Variants in ATG13 observed in about 807,000 individuals in gnomAD.
ATG13 encodes autophagy-related protein 13.
ATG13 carries 23 observed loss-of-function variants against 65.5 expected under a neutral mutation model. The ratio of observed to expected loss-of-function variants is 0.35; its 90% CI spans 0.25 to 0.50. The LOEUF (loss-of-function observed/expected upper bound fraction) is 0.50. ATG13 is among the 20% of genes least tolerant of loss of function. The probability of loss-of-function intolerance (pLI) is 0.98; values close to 1 mark genes in which losing one functional copy is unlikely to be tolerated. For synonymous variants in ATG13, 252 were observed against 245.2 expected, an observed-to-expected ratio of 1.03 and a Z score of -0.26; for missense variants, 566 against 677.0, an observed-to-expected ratio of 0.84 and a Z score of 1.82.
At chr11:46,626,294 A>G (rs909754172) in intron 1 of ATG13, among the ~76,000 whole-genome samples, 6 of 151,532 alleles carry the variant, frequency 4.0e-5, no homozygotes, top group Admixed American at 4.0e-4. Flanking sequence ...TCTTGTGCCC[A>G]GGCTGGAGTG....
Position 46,619,556 on chromosome 11 carries a change from G to T in ATG13, c.-70+1666G>T, listed in dbSNP as rs564558560. Among the ~76,000 whole-genome samples, 9 of 151,180 alleles carry T rather than the reference G, an allele frequency of 6.0e-5. No individual in the cohort carries two copies. The South Asian group carries it at 1.5e-3, about 25-fold the overall frequency. ...TGTGCCAGCACGCCCAGCTAATTTT[G>T]TATTTTTAGTAAAGATGGGGTTTCT... On this transcript the variant is annotated intron_variant, in intron 1 of 18. Coordinates refer to ENST00000683050, the MANE Select transcript of ATG13 (RefSeq NM_001346311.2).
intron 1 of ATG13, among the ~76,000 whole-genome samples, chr11:46,627,973 C>G (rs1210080733): frequency 6.6e-6 from 1 of 151,276 alleles, no homozygotes; most frequent in Non-Finnish European, 1.5e-5. Context: ...GTCCCAGCTA[C>G]TCCTGAGGCT....
chr11:46,618,535 T>A (rs956849994), intron 1 of ATG13, among the ~76,000 whole-genome samples: 4 of 152,220 alleles, frequency 2.6e-5, no homozygotes, highest in Admixed American at 6.5e-5. Context: ...AAAGAGATTT[T>A]AAAAAATTAC....
At chr11:46,664,172 T>C in intron 12 of ATG13, 77 bp downstream of exon 12, 1 of 1,132,318 alleles carries the variant, frequency 8.8e-7, no homozygotes, top group South Asian at 1.4e-5. Context: ...AATTATAAGG[T>C]ACAGTTATTT....
rs141131669 is a variant in ATG13, at chr11:46,654,933, T to C, written c.459-1300T>C. 9.8e-4 allele frequency among the ~76,000 whole-genome samples: 148 copies of C among 150,912 alleles called. 2 individuals are homozygous for C. The East Asian group carries it at 0.021, about 22-fold the overall frequency. Reference sequence around the variant, plus strand: ...GGGCAATGTGGCGAAACCCTGTCTCTACCAAAAATACAAAAATTAGCCAGG... The same window carrying C: ...GGGCAATGTGGCGAAACCCTGTCTCCACCAAAAATACAAAAATTAGCCAGG... On this transcript the variant is annotated intron_variant, in intron 7 of 18. Transcript: ENST00000683050.
chr11:46,668,227 C>T (rs1350023385), intron 15 of ATG13, among the ~76,000 whole-genome samples: 1 of 152,202 alleles, frequency 6.6e-6, no homozygotes, highest in Non-Finnish European at 1.5e-5. Flanking sequence ...CAGTGAAGCA[C>T]ATTATTACTG....
At position 46,669,475 on chromosome 11, in the gene ATG13, A is replaced by G. The variant is rs749334400; in HGVS notation, c.1518A>G (p.Pro506=). The change falls in exon 18 of 19, where the codon CCA becomes CCG. Residue 506 remains proline, a synonymous_variant. Coordinates refer to ENST00000683050, the MANE Select transcript of ATG13 (RefSeq NM_001346311.2). ...LGTFYREFQN[P]PQLSSLSIDI... ...CCTTCTATCGGGAGTTTCAGAACCCACCTCAGCTGAGCAGCCTCTCCATAG... is the reference window on the plus strand; with the variant it reads ...CCTTCTATCGGGAGTTTCAGAACCCGCCTCAGCTGAGCAGCCTCTCCATAG... 2 of 1,614,078 alleles carry G rather than the reference A, an allele frequency of 1.2e-6. No homozygotes were observed. The highest frequency in any genetic ancestry group is 2.2e-5 in the East Asian group (1 of 44,870).
rs769349732 is a variant in ATG13 at position 46,663,977 on chromosome 11, CTG to C, written c.790-12_790-11del. The C allele has an allele frequency of 4.8e-6, 4 of 835,816 alleles. No individual in the cohort carries two copies. The highest frequency in any genetic ancestry group is 1.7e-5 in the South Asian group (1 of 59,310). The allele number at this position is 835,816 out of a possible 1,614,324, so 51.8% of individuals were successfully genotyped here. On this transcript the variant is annotated intron_variant, in intron 11 of 18. Coordinates refer to ENST00000683050, the MANE Select transcript of ATG13 (RefSeq NM_001346311.2). Reference sequence around the variant, plus strand: ...TTTTTTTTTTTTGTTTCTCCTGTCTCTGTGTGTGTCTGTGCACAGTGTGTGTT... The same window carrying C: ...TTTTTTTTTTTTGTTTCTCCTGTCTCTGTGTGTCTGTGCACAGTGTGTGTT...
intron 1 of ATG13, among the ~76,000 whole-genome samples, chr11:46,623,964 C>G (rs761229986): frequency 6.7e-6 from 1 of 149,922 alleles, no homozygotes; most frequent in African/African-American, 2.5e-5. Context: ...ACTTATATCT[C>G]ATGAATAAGA....
intron 7 of ATG13, 38 bp downstream of exon 7, chr11:46,650,355 A>AC: frequency 6.3e-7 from 1 of 1,588,946 alleles, no homozygotes. Context: ...TCACTCATCA[A>AC]CCCCCTCACT....
At chr11:46,655,766 C>A (rs2059919613) in intron 7 of ATG13, among the ~76,000 whole-genome samples, 1 of 152,142 alleles carries the variant, frequency 6.6e-6, no homozygotes, top group Non-Finnish European at 1.5e-5. Flanking sequence ...GAGACAGCGT[C>A]TCATCCTTTT....
chr11:46,634,854 A>G (rs1209806126), intron 2 of ATG13, among the ~76,000 whole-genome samples: 2 of 151,762 alleles, frequency 1.3e-5, no homozygotes, highest in Non-Finnish European at 2.9e-5. Flanking sequence ...GGTGTGTGCC[A>G]GCACACCCAG....
intron 7 of ATG13, among the ~76,000 whole-genome samples, chr11:46,654,606 C>T (rs952871974): frequency 6.6e-6 from 1 of 150,876 alleles, no homozygotes; most frequent in African/African-American, 2.4e-5. Flanking sequence ...CCTGTAGTCC[C>T]AGCTGCTTAG....
intron 8 of ATG13, 85 bp from the exon 9 acceptor site, chr11:46,657,010 A>C (rs1565564581): frequency 1.8e-6 from 2 of 1,131,520 alleles, no homozygotes; most frequent in Non-Finnish European, 2.7e-6. Flanking sequence ...ATTACACAAT[A>C]GGCCAAATAA....
chr11:46,647,336 G>A (rs1037174720), intron 5 of ATG13, among the ~76,000 whole-genome samples: 3 of 145,262 alleles, frequency 2.1e-5, no homozygotes, highest in African/African-American at 7.7e-5. Context: ...GGAGCGCAGT[G>A]GCATGATCTC....
chr11:46,645,933 C>T lies in ATG13; in HGVS notation c.214C>T (p.Gln72Ter), dbSNP rs2057407584. ...THEAKKALAG[Q>*]LPAVGRSMCV... Reference sequence around the variant, plus strand: ...TGAAGCAAAGAAGGCACTGGCAGGACAGCTGCCTGCAGTCGGGAGGTCCAT... The same window carrying T: ...TGAAGCAAAGAAGGCACTGGCAGGATAGCTGCCTGCAGTCGGGAGGTCCAT... The change falls in exon 5 of 19, where the codon CAG becomes TAG. Residue 72 changes from glutamine (Q) to a stop codon, truncating the protein, a stop_gained. Coordinates refer to ENST00000683050, the MANE Select transcript of ATG13 (RefSeq NM_001346311.2). LOFTEE classifies it high-confidence loss of function. 1 of 1,614,090 alleles carries T rather than the reference C, an allele frequency of 6.2e-7. No individual in the cohort carries two copies. Among genetic ancestry groups the T allele is most frequent in the Admixed American group, 1.7e-5 (1 of 59,998 alleles).
Position 46,650,254 on chromosome 11 carries a change from C to G in ATG13, c.395C>G (p.Thr132Ser). Residue 132 changes from threonine (T) to serine (S), a missense_variant, in exon 7 of 19, where the codon ACT becomes AGT. Physicochemically the swap from Thr to Ser is moderately conservative, Grantham distance 58 (BLOSUM62 1). Coordinates refer to ENST00000683050, the MANE Select transcript of ATG13 (RefSeq NM_001346311.2). ...CTGCTGAAGTCCCTTCTTGCTATAA[C>G]TAGGGTGACACCAGCCTATAGGCTC... ...SLLLKSLLAI[T>S]RVTPAYRLSR... The G allele has an allele frequency of 1.2e-6, 2 of 1,614,054 alleles. No homozygotes were observed. The highest frequency in any genetic ancestry group is 1.7e-6 in the Non-Finnish European group (2 of 1,179,990).
chr11:46,642,795 C>A (rs561349529), intron 2 of ATG13, among the ~76,000 whole-genome samples: 1 of 152,334 alleles, frequency 6.6e-6, no homozygotes, highest in South Asian at 2.1e-4. Context: ...GATTGTGTCA[C>A]TTCCTCTCGT....
chr11:46,658,182 C>T (rs1256069826), intron 10 of ATG13, among the ~76,000 whole-genome samples: 1 of 152,136 alleles, frequency 6.6e-6, no homozygotes, highest in Non-Finnish European at 1.5e-5. Context: ...TACCATCTGG[C>T]ACATTAGTTT....
Sources: allele counts gnomAD v4.1 joint callset (sites outside exome capture counted in the v4.1 genomes callset), GRCh38; gene constraint gnomAD v4.1.1; transcripts MANE v1.5; gene names NCBI Gene and HGNC (gene_info 2026-07-23, HGNC 2026-07-21).